The following GALNT17 variants were observed in gnomAD, a reference collection of about 807,000 sequenced individuals.
The protein encoded by GALNT17 is UDP-GalNAc:polypeptide N-acetylgalactosaminyltransferase-like 3.
A neutral mutation model predicts 63.7 loss-of-function variants in GALNT17; 29 were observed. The observed-to-expected ratio is 0.46, with a 90% confidence interval of 0.34 to 0.62. GALNT17 has a LOEUF of 0.62. Ranked by LOEUF, GALNT17 falls within the 20% of genes least tolerant of loss-of-function variation. The pLI is 0.01. For missense variants in GALNT17, 603 were observed against 799.6 expected (o/e 0.75, Z 2.97); for synonymous variants, 305 against 318.3 (o/e 0.96, Z 0.45).
In GALNT17 at chr7:71,680,538, C is replaced by G. The variant is rs372128900; in HGVS notation, c.1500+3232C>G. 7.3e-3 allele frequency among the ~76,000 whole-genome samples: 97 copies of G among 13,300 alleles called. 40 individuals carry two copies. Among genetic ancestry groups the G allele is most frequent in the East Asian group, 0.057 (6 of 106 alleles). 8.7% of individuals were successfully genotyped at this position (13,300 alleles called of 152,430 possible). A position where few individuals can be genotyped will look rare whatever the true frequency, so the allele number is the denominator to read the frequency against. ...TCCCTCTCTCCCTTCCTCCCTCCCT[C>G]CCTTCCTCCCTCCCTCTCTCCCTTC... On this transcript the variant is annotated intron_variant, in intron 9 of 10. Transcript: ENST00000333538.
chr7:71,481,706 A>G (rs1014009752), intron 5 of GALNT17, among the ~76,000 whole-genome samples: 4 of 152,076 alleles, frequency 2.6e-5, no homozygotes, highest in Non-Finnish European at 5.9e-5. Context: ...GAGCCCCTCC[A>G]GGTTCTCCCA....
intron 5 of GALNT17, among the ~76,000 whole-genome samples, chr7:71,516,916 C>T (rs1445943042): frequency 4.6e-5 from 7 of 152,178 alleles, no homozygotes; most frequent in Non-Finnish European, 8.8e-5. Flanking sequence ...CTTGGTTTCT[C>T]TGCACTCAGA....
intron 5 of GALNT17, among the ~76,000 whole-genome samples, chr7:71,569,691 C>T (rs920922136): frequency 1.3e-5 from 2 of 152,148 alleles, no homozygotes; most frequent in Admixed American, 1.3e-4. Context: ...GTCCATGCTG[C>T]AGCAAAGGGC....
At chr7:71,686,586 C>T (rs1439466461) in intron 9 of GALNT17, among the ~76,000 whole-genome samples, 1 of 151,336 alleles carries the variant, frequency 6.6e-6, no homozygotes, top group Non-Finnish European at 1.5e-5. Context: ...ATAGGGATCT[C>T]ACTATGTTGC....
intron 6 of GALNT17, among the ~76,000 whole-genome samples, chr7:71,640,540 G>A (rs1238373107): frequency 6.6e-6 from 1 of 152,034 alleles, no homozygotes; most frequent in Non-Finnish European, 1.5e-5. Context: ...TCTAGTTGTT[G>A]TGGCTATCTT....
intron 1 of GALNT17, among the ~76,000 whole-genome samples, chr7:71,251,709 ATTC>A (rs1163172766): frequency 6.6e-6 from 1 of 152,150 alleles, no homozygotes; most frequent in Non-Finnish European, 1.5e-5. Flanking sequence ...TGACCTCGAT[ATTC>A]TTCTTGATAA....
intron 6 of GALNT17, among the ~76,000 whole-genome samples, chr7:71,656,373 G>C (rs1459023468): frequency 6.6e-6 from 1 of 152,146 alleles, no homozygotes; most frequent in Non-Finnish European, 1.5e-5. Context: ...AGATGGGGGA[G>C]GAGTGTCCCG....
At chr7:71,559,225 T>C (rs995951480) in intron 5 of GALNT17, among the ~76,000 whole-genome samples, 1 of 152,094 alleles carries the variant, frequency 6.6e-6, no homozygotes, top group Non-Finnish European at 1.5e-5. Flanking sequence ...GGCATTAAAT[T>C]ACCGTAATGT....
At chr7:71,326,220 A>T (rs1791702027) in intron 1 of GALNT17, among the ~76,000 whole-genome samples, 2 of 152,172 alleles carry the variant, frequency 1.3e-5, no homozygotes, top group Non-Finnish European at 2.9e-5. Context: ...TACTTTGGGA[A>T]GCTGAGGCGG....
rs5884853 is a variant in GALNT17, at chr7:71,672,998, G to GT, written c.1404+2898dup. 1.1e-3 allele frequency among the ~76,000 whole-genome samples: 172 copies of GT among 151,806 alleles called. 1 individual carries two copies. Among genetic ancestry groups the GT allele is most frequent in the African/African-American group, 4.0e-3 (165 of 41,308 alleles). ...AATAAAAAATTAAATACACAGAGGT[G>GT]TTTTTTTTTCCCCCTATCCGCAAAT... On this transcript the variant is annotated intron_variant, in intron 8 of 10. Transcript: ENST00000333538.
chr7:71,530,572 T>G, intron 5 of GALNT17, among the ~76,000 whole-genome samples: 1 of 150,188 alleles, frequency 6.7e-6, no homozygotes, highest in South Asian at 2.1e-4. Flanking sequence ...ATTTATTTAT[T>G]TATTTATTTA....
At chr7:71,664,812 CAG>C (rs1172214264) in intron 6 of GALNT17, among the ~76,000 whole-genome samples, 2 of 152,234 alleles carry the variant, frequency 1.3e-5, no homozygotes, top group East Asian at 3.9e-4. Flanking sequence ...TTGCCATGGG[CAG>C]CTTAGGTTTA....
At chr7:71,675,250 G>A (rs576658229) in intron 8 of GALNT17, among the ~76,000 whole-genome samples, 16 of 152,206 alleles carry the variant, frequency 1.1e-4, no homozygotes, top group South Asian at 2.1e-4. Flanking sequence ...GCAGTAGACC[G>A]TGGACTACTT....
At chr7:71,170,175 A>G (rs1467609300) in intron 1 of GALNT17, among the ~76,000 whole-genome samples, 1 of 152,108 alleles carries the variant, frequency 6.6e-6, no homozygotes, top group African/African-American at 2.4e-5. Context: ...TCTTGCCTTG[A>G]TAGTGAATGT....
At chr7:71,441,747 T>G (rs1279212456) in intron 5 of GALNT17, among the ~76,000 whole-genome samples, 1 of 152,226 alleles carries the variant, frequency 6.6e-6, no homozygotes, top group East Asian at 1.9e-4. Flanking sequence ...TTTGGTTTTC[T>G]GTTCCTGTGT....
chr7:71,427,849 G>C (rs537692122), intron 5 of GALNT17, among the ~76,000 whole-genome samples: 1 of 152,110 alleles, frequency 6.6e-6, no homozygotes, highest in Admixed American at 6.5e-5. Flanking sequence ...TCTCATAGGA[G>C]CACAAATCCT....
At chr7:71,219,977 G>A (rs570576800) in intron 1 of GALNT17, among the ~76,000 whole-genome samples, 1 of 152,266 alleles carries the variant, frequency 6.6e-6, no homozygotes, top group South Asian at 2.1e-4. Context: ...CATTTGTTGA[G>A]TCCTGTGAAC....
chr7:71,346,976 A>C (rs1444460779), intron 2 of GALNT17, among the ~76,000 whole-genome samples: 1 of 152,194 alleles, frequency 6.6e-6, no homozygotes, highest in African/African-American at 2.4e-5. Flanking sequence ...AAATTGTATA[A>C]TATTATGTGG....
intron 1 of GALNT17, among the ~76,000 whole-genome samples, chr7:71,259,390 A>C (rs1790341721): frequency 6.6e-6 from 1 of 152,202 alleles, no homozygotes. Context: ...TGGTTTAAGA[A>C]ATTTGTTAAA....
Sources: allele counts gnomAD v4.1 joint callset (sites outside exome capture counted in the v4.1 genomes callset), GRCh38; gene constraint gnomAD v4.1.1; transcripts MANE v1.5; gene names NCBI Gene and HGNC (gene_info 2026-07-23, HGNC 2026-07-21).